Variants in PLSCR5 observed in about 807,000 individuals in gnomAD.
PLSCR5 encodes phospholipid scramblase family member 5, also known as phospholipid scramblase family, member 5.
A neutral mutation model predicts 33.6 loss-of-function variants in PLSCR5; 44 were observed. The observed-to-expected ratio is 1.31, with a 90% confidence interval of 1.03 to 1.69. The LOEUF (loss-of-function observed/expected upper bound fraction) is 1.69. PLSCR5 is among the 40% of genes most tolerant of loss of function. The pLI, the probability that PLSCR5 is intolerant of heterozygous loss-of-function variation, is 0.00. For missense variants in PLSCR5, 375 were observed against 318.7 expected (o/e 1.18, Z -1.34); for synonymous variants, 148 against 112.3 (o/e 1.32, Z -2.01).
intron 5 of PLSCR5, among the ~76,000 whole-genome samples, chr3:146,590,868 G>A (rs971183049): frequency 6.6e-6 from 1 of 151,948 alleles, no homozygotes; most frequent in South Asian, 2.1e-4. Flanking sequence ...CAATTAGGCT[G>A]TCTCCTCTAC....
chr3:146,604,384 GA>G (rs1289654048), intron 1 of PLSCR5, among the ~76,000 whole-genome samples: 3 of 152,076 alleles, frequency 2.0e-5, no homozygotes, highest in Admixed American at 6.6e-5. Flanking sequence ...AGGAATTTGA[GA>G]AAAAACTCAT....
At chr3:146,595,143 A>T in intron 2 of PLSCR5, 60 bp from the exon 3 acceptor site, 1 of 968,146 alleles carries the variant, frequency 1.0e-6, no homozygotes, top group Non-Finnish European at 1.4e-6. Context: ...AAACCTTTGG[A>T]GATACTACTA....
chr3:146,600,806 T>A (rs1041619606), intron 1 of PLSCR5, among the ~76,000 whole-genome samples: 2 of 149,146 alleles, frequency 1.3e-5, no homozygotes, highest in Non-Finnish European at 3.0e-5. Context: ...CATACATAAA[T>A]TATATATTAT....
chr3:146,596,866 A>G (rs2044765677), intron 2 of PLSCR5, among the ~76,000 whole-genome samples: 1 of 152,178 alleles, frequency 6.6e-6, no homozygotes, highest in African/African-American at 2.4e-5. Context: ...ATATTTTTCC[A>G]AAAATAATTT....
intron 6 of PLSCR5, among the ~76,000 whole-genome samples, chr3:146,586,451 T>C (rs1673856660): frequency 6.6e-6 from 1 of 152,224 alleles, no homozygotes; most frequent in Non-Finnish European, 1.5e-5. Flanking sequence ...AGAGTATAAG[T>C]AACTTGGAAA....
chr3:146,588,862 T>C (rs982777005), intron 6 of PLSCR5, among the ~76,000 whole-genome samples: 2 of 152,324 alleles, frequency 1.3e-5, no homozygotes, highest in East Asian at 1.9e-4. Context: ...TCAACTCTTA[T>C]GCTGTTTGTT....
chr3:146,585,937 G>A lies in PLSCR5; in HGVS notation c.*50C>T, dbSNP rs769794669. ...TCAGAAATGAAATCCAGAGCCCAAG[G>A]GATTTCTAGAAGAAAATGAAAAAGA... On this transcript the variant is annotated 3_prime_UTR_variant, in exon 8 of 8. Coordinates refer to ENST00000443512, the MANE Select transcript of PLSCR5 (RefSeq NM_001085420.2). The A allele has an allele frequency of 2.2e-6, 2 of 919,626 alleles. No individual in the cohort carries two copies. The highest frequency in any genetic ancestry group is 2.0e-5 in the South Asian group (1 of 49,528). 57.0% of individuals were successfully genotyped at this position (919,626 alleles called of 1,614,324 possible).
intron 1 of PLSCR5, among the ~76,000 whole-genome samples, chr3:146,604,244 T>C (rs995126157): frequency 1.3e-5 from 2 of 152,154 alleles, no homozygotes; most frequent in Non-Finnish European, 2.9e-5. Flanking sequence ...AAGCACATTA[T>C]AATTTTATTT....
downstream of PLSCR5, among the ~76,000 whole-genome samples, chr3:146,585,471 C>T (rs2044659630): frequency 6.6e-6 from 1 of 152,102 alleles, no homozygotes; most frequent in Admixed American, 6.5e-5. Flanking sequence ...TTGATACCAT[C>T]TATCTTCCTC....
chr3:146,587,879 T>G (rs2044678125), intron 6 of PLSCR5, among the ~76,000 whole-genome samples: 1 of 151,884 alleles, frequency 6.6e-6, no homozygotes, highest in Non-Finnish European at 1.5e-5. Flanking sequence ...TATGTATATA[T>G]GCATATATAT....
chr3:146,592,791 T>C (rs113196424), intron 4 of PLSCR5, among the ~76,000 whole-genome samples: 8,403 of 152,210 alleles, frequency 0.055, 228 homozygotes, highest in African/African-American at 0.06. Context: ...TAATATATTA[T>C]GTTTAATTTA....
At position 146,600,388 on chromosome 3, in the gene PLSCR5, G is replaced by A. The variant is rs776440312; in HGVS notation, c.89C>T (p.Ser30Phe). ...CCATGCTTGGTTCCCTGGATTGGAA[G>A]AGGCAGGAAGGCTTTGGTCTGGGTC... is the stretch of plus-strand genomic sequence containing the variant. ...APDPDQSLPA[S>F]SNPGNQAWQL... The change falls in exon 2 of 8, where the codon TCT becomes TTT. Residue 30 changes from serine to phenylalanine, a missense_variant. Ser to Phe is a radical substitution (Grantham distance 155). Transcript: ENST00000443512. 1 of 1,610,708 alleles carries A rather than the reference G, an allele frequency of 6.2e-7. No individual in the cohort carries two copies. Among genetic ancestry groups the A allele is most frequent in the Admixed American group, 1.7e-5 (1 of 59,676 alleles).
At chr3:146,595,019 G>A (rs1208092779) in intron 3 of PLSCR5, 22 bp downstream of exon 3, 1 of 1,319,700 alleles carries the variant, frequency 7.6e-7, no homozygotes, top group African/African-American at 1.5e-5. Flanking sequence ...TAATAAATAT[G>A]TAATATATAT....
intron 2 of PLSCR5, among the ~76,000 whole-genome samples, chr3:146,599,682 T>A (rs951776788): frequency 1.6e-5 from 2 of 121,400 alleles, no homozygotes; most frequent in Non-Finnish European, 3.5e-5. Context: ...TTCTTTTCTT[T>A]TTTTTTTTTT....
intron 6 of PLSCR5, among the ~76,000 whole-genome samples, chr3:146,589,203 T>C (rs2044689070): frequency 6.6e-6 from 1 of 152,166 alleles, no homozygotes; most frequent in African/African-American, 2.4e-5. Flanking sequence ...ACTCATCAAA[T>C]CATTTCATGT....
rs368901574 is a variant in PLSCR5, at chr3:146,605,229, C to T, written c.-17G>A. 282 of 1,611,276 alleles carry T rather than the reference C, an allele frequency of 1.8e-4. No individual in the cohort carries two copies. The African/African-American group carries it at 3.2e-3, about 18-fold the overall frequency. On this transcript the variant is annotated 5_prime_UTR_variant, in exon 1 of 8. The change creates a new upstream start codon in the 5' untranslated region. Transcript: ENST00000443512. ...AGAGGCCATGAAGATGTCTGAGTCA[C>T]TTCTTCAAAGGTTGCCAGGTTGGAA...
chr3:146,604,400 C>T (rs534947690), intron 1 of PLSCR5, among the ~76,000 whole-genome samples: 1 of 152,146 alleles, frequency 6.6e-6, no homozygotes, highest in Non-Finnish European at 1.5e-5. Flanking sequence ...ACTCATCAGT[C>T]CTACTCCCCA....
chr3:146,600,772 A>T (rs1479278051), intron 1 of PLSCR5, among the ~76,000 whole-genome samples: 1 of 149,844 alleles, frequency 6.7e-6, no homozygotes, highest in Non-Finnish European at 1.5e-5. Flanking sequence ...GCATATATAT[A>T]CTTACTGCAT....
downstream of PLSCR5, among the ~76,000 whole-genome samples, chr3:146,582,486 G>T (rs2044638765): frequency 2.6e-5 from 4 of 152,024 alleles, no homozygotes; most frequent in Admixed American, 1.3e-4. Flanking sequence ...TCTTAAAAAA[G>T]CCTCTGTATT....
Sources: gnomAD v4.1 joint callset for allele counts (sites outside exome capture counted in the v4.1 genomes callset) on GRCh38, gnomAD v4.1.1 for gene constraint, MANE v1.5 for transcripts, NCBI Gene and HGNC (gene_info 2026-07-23, HGNC 2026-07-21) for gene names.